MAML3: variants seen among roughly 807,000 people sequenced by gnomAD.
MAML3 encodes the protein mastermind-like protein 3.
In MAML3, 27 loss-of-function variants were observed where a neutral mutation model predicts 101.9. That is an observed-to-expected ratio of 0.27 (90% CI 0.20 to 0.37). The LOEUF is 0.37. Among genes scored for constraint, MAML3 ranks in the 10% least tolerant of loss-of-function variants. The pLI, the probability that MAML3 is intolerant of heterozygous loss-of-function variation, is 1.00. For missense variants in MAML3, 1,316 were observed against 1,444.9 expected, an observed-to-expected ratio of 0.91 and a Z score of 1.45; for synonymous variants, 501 against 555.9, an observed-to-expected ratio of 0.90 and a Z score of 1.39.
intron 1 of MAML3, among the ~76,000 whole-genome samples, chr4:139,929,432 T>C (rs1733334235): frequency 6.6e-6 from 1 of 152,208 alleles, no homozygotes; most frequent in Non-Finnish European, 1.5e-5. Flanking sequence ...ATTTTATCCA[T>C]TATGACTCCG....
chr4:140,133,726 C>G (rs1337892470), intron 1 of MAML3, among the ~76,000 whole-genome samples: 1 of 152,126 alleles, frequency 6.6e-6, no homozygotes, highest in Non-Finnish European at 1.5e-5. Context: ...GTAGAACAGT[C>G]AAAAACCTGT....
intron 1 of MAML3, among the ~76,000 whole-genome samples, chr4:140,147,835 T>C (rs1729091138): frequency 6.6e-6 from 1 of 152,132 alleles, no homozygotes; most frequent in African/African-American, 2.4e-5. Flanking sequence ...ATCCAAGAAT[T>C]ACTATTTAAC....
At chr4:139,820,201 C>A (rs945100337) in intron 2 of MAML3, among the ~76,000 whole-genome samples, 1 of 152,024 alleles carries the variant, frequency 6.6e-6, no homozygotes, top group Non-Finnish European at 1.5e-5. Flanking sequence ...AACTGTGACC[C>A]GAATGTCATA....
chr4:140,124,856 C>G (rs903301740), intron 1 of MAML3, among the ~76,000 whole-genome samples: 5 of 152,158 alleles, frequency 3.3e-5, no homozygotes, highest in Non-Finnish European at 1.5e-5. Flanking sequence ...AGGGTCATGA[C>G]GAGAGCAATT....
chr4:139,989,844 CAAACAA>C (rs1312427052), intron 1 of MAML3, among the ~76,000 whole-genome samples: 2 of 132,202 alleles, frequency 1.5e-5, no homozygotes, highest in African/African-American at 5.2e-5. Context: ...CCACCACACA[CAAACAA>C]ACACACACAC....
chr4:140,011,136 TAC>T (rs1374321972), intron 1 of MAML3, among the ~76,000 whole-genome samples: 2 of 111,466 alleles, frequency 1.8e-5, no homozygotes, highest in South Asian at 2.9e-4. Context: ...TATATATATA[TAC>T]ACATATGTCA....
At chr4:140,066,060 A>G (rs1053287755) in intron 1 of MAML3, among the ~76,000 whole-genome samples, 1 of 152,250 alleles carries the variant, frequency 6.6e-6, no homozygotes, top group Non-Finnish European at 1.5e-5. Context: ...CACAATTTTC[A>G]GAAACACATC....
chr4:139,876,706 C>A (rs1439196274), intron 2 of MAML3, among the ~76,000 whole-genome samples: 1 of 152,230 alleles, frequency 6.6e-6, no homozygotes, highest in Non-Finnish European at 1.5e-5. Flanking sequence ...CAGGCTGCCA[C>A]CGATGGCTGT....
intron 2 of MAML3, among the ~76,000 whole-genome samples, chr4:139,800,667 G>A (rs558652366): frequency 1.3e-5 from 2 of 152,164 alleles, no homozygotes; most frequent in Admixed American, 6.6e-5. Context: ...AAAGGCCTCC[G>A]ATTTGTTTTC....
intron 2 of MAML3, among the ~76,000 whole-genome samples, chr4:139,749,949 G>T (rs1729453003): frequency 7.1e-6 from 1 of 141,590 alleles, no homozygotes; most frequent in Non-Finnish European, 1.5e-5. Flanking sequence ...TTAAGAATAA[G>T]AAAAGAGATG....
At chr4:140,076,685 TG>T (rs1315783009) in intron 1 of MAML3, among the ~76,000 whole-genome samples, 3 of 152,200 alleles carry the variant, frequency 2.0e-5, no homozygotes, top group Admixed American at 2.0e-4. Flanking sequence ...GGCCTTTGTG[TG>T]GACACCATCT....
chr4:139,767,808 G>C (rs1729895125), intron 2 of MAML3, among the ~76,000 whole-genome samples: 1 of 152,258 alleles, frequency 6.6e-6, no homozygotes, highest in Admixed American at 6.5e-5. Flanking sequence ...TAAAGGGTTA[G>C]AGAGAATCTC....
intron 1 of MAML3, among the ~76,000 whole-genome samples, chr4:140,133,820 A>C (rs899616147): frequency 6.6e-6 from 1 of 152,202 alleles, no homozygotes; most frequent in Non-Finnish European, 1.5e-5. Context: ...TCCTATAAGC[A>C]TGCTGCATAA....
chr4:139,929,744 A>T (rs1475811505), intron 1 of MAML3, among the ~76,000 whole-genome samples: 1 of 152,298 alleles, frequency 6.6e-6, no homozygotes, highest in Middle Eastern at 3.4e-3. Context: ...TGTTCTTATT[A>T]TCTTTCTTAT....
intron 1 of MAML3, among the ~76,000 whole-genome samples, chr4:139,953,143 A>G (rs1205442350): frequency 6.6e-6 from 1 of 152,238 alleles, no homozygotes; most frequent in Non-Finnish European, 1.5e-5. Flanking sequence ...ATGTGCCTAC[A>G]TATACACTTC....
At chr4:139,932,411 T>C (rs1401530424) in intron 1 of MAML3, among the ~76,000 whole-genome samples, 2 of 152,216 alleles carry the variant, frequency 1.3e-5, no homozygotes, top group Non-Finnish European at 2.9e-5. Context: ...TAACAAAGTG[T>C]TGCTTCGTTA....
chr4:139,719,191 G>T lies in MAML3; in HGVS notation c.*132C>A. ...TGGATTGGCACCTGGATCTTCCATT[G>T]TCAGCCAGCTGCAGTTTTGCTCAGT... On this transcript the variant is annotated 3_prime_UTR_variant, in exon 5 of 5. Transcript: ENST00000509479. The T allele has an allele frequency of 3.8e-6, 4 of 1,044,548 alleles. No homozygotes were observed. Among genetic ancestry groups the T allele is most frequent in the South Asian group, 1.8e-5 (1 of 55,190 alleles). 64.7% of individuals were successfully genotyped at this position (1,044,548 alleles called of 1,614,324 possible).
chr4:139,837,635 A>G (rs1345520301), intron 2 of MAML3, among the ~76,000 whole-genome samples: 2 of 151,666 alleles, frequency 1.3e-5, no homozygotes, highest in African/African-American at 4.8e-5. Context: ...TATTATAAGG[A>G]TAGGCCAGGC....
chr4:139,819,556 G>C (rs1730942449), intron 2 of MAML3, among the ~76,000 whole-genome samples: 1 of 152,182 alleles, frequency 6.6e-6, no homozygotes, highest in South Asian at 2.1e-4. Flanking sequence ...TGCAAGGCTG[G>C]CCTTCAGCTC....
Sources: allele counts gnomAD v4.1 joint callset (sites outside exome capture counted in the v4.1 genomes callset), GRCh38; gene constraint gnomAD v4.1.1; transcripts MANE v1.5; gene names NCBI Gene and HGNC (gene_info 2026-07-23, HGNC 2026-07-21).